Variants in MSI2 observed in about 807,000 individuals in gnomAD.
The protein encoded by MSI2 is RNA-binding protein Musashi homolog 2.
MSI2 carries 17 observed loss-of-function variants against 45.6 expected under a neutral mutation model. The ratio of observed to expected loss-of-function variants is 0.37; its 90% CI spans 0.26 to 0.56. The LOEUF is 0.56. Ranked by LOEUF, MSI2 falls within the 20% of genes least tolerant of loss-of-function variation. The probability of loss-of-function intolerance (pLI) is 0.77; values close to 1 mark genes in which losing one functional copy is unlikely to be tolerated. For synonymous variants in MSI2, 156 were observed against 158.2 expected, an observed-to-expected ratio of 0.99 and a Z score of 0.11; for missense variants, 293 against 444.2, an observed-to-expected ratio of 0.66 and a Z score of 3.06.
chr17:57,651,926 C>T (rs1263181918), intron 10 of MSI2, among the ~76,000 whole-genome samples, 173 bp from the exon 11 acceptor site: 1 of 152,238 alleles, frequency 6.6e-6, no homozygotes, highest in Non-Finnish European at 1.5e-5. Context: ...TTGTGCCTTC[C>T]GGAAGCCTGA....
chr17:57,279,508 T>C (rs1445157646), intron 5 of MSI2: 12 of 152,244 alleles, frequency 7.9e-5, no homozygotes, highest in Admixed American at 7.9e-4. Flanking sequence ...ATGCAACAAA[T>C]GTCTGGAGCT....
intron 10 of MSI2, among the ~76,000 whole-genome samples, chr17:57,640,923 G>A (rs138481266): frequency 6.6e-6 from 1 of 152,200 alleles, no homozygotes; most frequent in East Asian, 1.9e-4. Context: ...TTTTACAGGT[G>A]AGGAAAGTAA....
intron 7 of MSI2, among the ~76,000 whole-genome samples, chr17:57,589,652 C>T (rs538882488): frequency 6.6e-6 from 1 of 152,352 alleles, no homozygotes; most frequent in Non-Finnish European, 1.5e-5. Flanking sequence ...GCCGGTCCCT[C>T]TCATGCTCTC....
intron 6 of MSI2, among the ~76,000 whole-genome samples, chr17:57,516,211 A>C (rs1388432796): frequency 6.6e-6 from 1 of 151,980 alleles, no homozygotes; most frequent in Non-Finnish European, 1.5e-5. Flanking sequence ...CCCTGGCCCC[A>C]CTCCTAACTC....
chr17:57,426,257 C>A (rs894619), intron 6 of MSI2, among the ~76,000 whole-genome samples: 143,870 of 152,334 alleles, frequency 0.94, 68,478 homozygotes, highest in South Asian at 1. Flanking sequence ...TTGTCCTAGA[C>A]AGGATATAGC....
downstream of MSI2, chr17:57,685,385 G>A (rs1274300714): frequency 6.6e-6 from 1 of 152,144 alleles, no homozygotes; most frequent in African/African-American, 2.4e-5. Flanking sequence ...GGAGTGCAAG[G>A]GATGAAGCGT....
intron 6 of MSI2, among the ~76,000 whole-genome samples, chr17:57,484,642 T>C (rs1460354575): frequency 6.6e-6 from 1 of 152,192 alleles, no homozygotes; most frequent in Admixed American, 6.5e-5. Flanking sequence ...AGCTGAGGCT[T>C]CTCAGAAAGC....
At chr17:57,663,541 C>T (rs906429406) in intron 11 of MSI2, among the ~76,000 whole-genome samples, 5 of 152,144 alleles carry the variant, frequency 3.3e-5, no homozygotes, top group Non-Finnish European at 2.9e-5. Flanking sequence ...CTCAGTGTGA[C>T]AGACATAGGA....
chr17:57,431,356 C>T (rs940770578), intron 6 of MSI2, among the ~76,000 whole-genome samples: 1 of 152,242 alleles, frequency 6.6e-6, no homozygotes, highest in African/African-American at 2.4e-5. Flanking sequence ...ACTGGCAGCA[C>T]AGCCAGGGAA....
rs1394376127 is a variant in MSI2 at position 57,587,580 on chromosome 17, C to G, written c.455-9288C>G. Among the ~76,000 whole-genome samples, 6 of 141,346 alleles carry G rather than the reference C, an allele frequency of 4.2e-5. 1 individual carries two copies. The highest frequency in any genetic ancestry group is 9.3e-5 in the Non-Finnish European group (6 of 64,268). 92.7% of individuals were successfully genotyped at this position (141,346 alleles called of 152,430 possible). ...CAACTCCCCCCAGCCCCAAAGGTGG[C>G]TGCAGAGGCGCAGGTGTGAGCTGGC... On this transcript the variant is annotated intron_variant, in intron 7 of 13. Coordinates refer to ENST00000284073, the MANE Select transcript of MSI2 (RefSeq NM_138962.4).
intron 10 of MSI2, among the ~76,000 whole-genome samples, chr17:57,636,328 C>G (rs1461012627): frequency 2.6e-5 from 4 of 152,198 alleles, no homozygotes; most frequent in Admixed American, 2.6e-4. Context: ...TCTGTCTGGT[C>G]ATTGACATTT....
chr17:57,260,854 ACTATC>A, intron 4 of MSI2, among the ~76,000 whole-genome samples: 1 of 152,238 alleles, frequency 6.6e-6, no homozygotes, highest in East Asian at 1.9e-4. Flanking sequence ...GAACAAATGA[ACTATC>A]CTCCGTGCTT....
intron 10 of MSI2, among the ~76,000 whole-genome samples, chr17:57,633,379 T>C (rs893276957): frequency 6.6e-6 from 1 of 152,350 alleles, no homozygotes; most frequent in East Asian, 1.9e-4. Context: ...GGTCTGTCCT[T>C]GAGCAGAGTG....
intron 11 of MSI2, among the ~76,000 whole-genome samples, chr17:57,656,803 C>T (rs1442336987): frequency 6.6e-6 from 1 of 152,178 alleles, no homozygotes. Context: ...AGGAGCAGTC[C>T]TGCAGCCTGT....
At chr17:57,591,436 A>T (rs1363863524) in intron 7 of MSI2, among the ~76,000 whole-genome samples, 1 of 152,176 alleles carries the variant, frequency 6.6e-6, no homozygotes, top group Non-Finnish European at 1.5e-5. Context: ...TAACAAGTAA[A>T]ATATAAGCCG....
chr17:57,444,247 G>A (rs924302651), intron 6 of MSI2, among the ~76,000 whole-genome samples: 1 of 152,180 alleles, frequency 6.6e-6, no homozygotes, highest in African/African-American at 2.4e-5. Context: ...ACCGTCAGCA[G>A]CCTTAGGAGG....
chr17:57,448,167 G>T (rs2084933803), intron 6 of MSI2: 1 of 152,242 alleles, frequency 6.6e-6, no homozygotes, highest in African/African-American at 2.4e-5. Context: ...TTGCTGGCAT[G>T]AAATAAAGAC....
intron 7 of MSI2, among the ~76,000 whole-genome samples, chr17:57,534,930 A>C (rs1339665175): frequency 6.6e-6 from 1 of 152,196 alleles, no homozygotes; most frequent in African/African-American, 2.4e-5. Context: ...AGGAGGGGGA[A>C]GTTTGTTGCT....
At chr17:57,375,874 G>A (rs1048943042) in intron 5 of MSI2, among the ~76,000 whole-genome samples, 1 of 152,118 alleles carries the variant, frequency 6.6e-6, no homozygotes, top group African/African-American at 2.4e-5. Flanking sequence ...GTCTGTTCCT[G>A]TAGCCAAGGC....
Sources: allele counts gnomAD v4.1 joint callset (sites outside exome capture counted in the v4.1 genomes callset), GRCh38; gene constraint gnomAD v4.1.1; transcripts MANE v1.5; gene names NCBI Gene and HGNC (gene_info 2026-07-23, HGNC 2026-07-21).